Variants in CCNH observed in about 807,000 individuals in gnomAD.
The protein encoded by CCNH is cyclin H.
CCNH carries 31 observed loss-of-function variants against 41.9 expected under a neutral mutation model. The ratio of observed to expected loss-of-function variants is 0.74; its 90% CI spans 0.56 to 1.00. CCNH has a LOEUF of 1.00. CCNH is among the 50% of genes least tolerant of loss of function. The probability of loss-of-function intolerance (pLI) is 0.00; values close to 1 mark genes in which losing one functional copy is unlikely to be tolerated. For synonymous variants in CCNH, 138 were observed against 136.1 expected, an observed-to-expected ratio of 1.01 and a Z score of -0.10; for missense variants, 362 against 388.4, an observed-to-expected ratio of 0.93 and a Z score of 0.57.
Position 87,403,228 on chromosome 5 carries a change from GAA to G in CCNH, c.690-1458_690-1457del, listed in dbSNP as rs72291520. Among the ~76,000 whole-genome samples the G allele has an allele frequency of 9.6e-3, 1,195 of 124,404 alleles. 6 individuals are homozygous for G. Among genetic ancestry groups the G allele is most frequent in the Non-Finnish European group, 0.014 (845 of 58,898 alleles). 81.6% of individuals were successfully genotyped at this position (124,404 alleles called of 152,430 possible). A position where few individuals can be genotyped will look rare whatever the true frequency, so the allele number is the denominator to read the frequency against. On this transcript the variant is annotated intron_variant, in intron 5 of 8. Coordinates refer to ENST00000256897, the MANE Select transcript of CCNH (RefSeq NM_001239.4). ...ACGTTTGGAAAGCATTTCCCTAAAG[GAA>G]AAAAAAAAAAAAAAGGCCCAATGTC...
At chr5:87,336,199 G>A (rs2112380992) in intron 9 of CCNH, among the ~76,000 whole-genome samples, 1 of 152,196 alleles carries the variant, frequency 6.6e-6, no homozygotes, top group Non-Finnish European at 1.5e-5. Context: ...CACTAAATTT[G>A]TAAAAGTATC....
intron 9 of CCNH, among the ~76,000 whole-genome samples, chr5:87,358,658 A>G (rs541166187): frequency 3.3e-5 from 5 of 152,306 alleles, no homozygotes; most frequent in African/African-American, 7.2e-5. Context: ...ATACTTGAAA[A>G]TGTTCTCCAT....
At chr5:87,392,480 C>T (rs1389876056), downstream of CCNH, 2 of 385,414 alleles carry the variant, frequency 5.2e-6, no homozygotes, top group African/African-American at 4.2e-5. Flanking sequence ...AAATTACTCT[C>T]CTTTCCACCC....
intron 9 of CCNH, chr5:87,369,798 G>GT (rs1439903927): frequency 6.3e-7 from 1 of 1,591,138 alleles, no homozygotes; most frequent in South Asian, 1.1e-5. Context: ...AATAATTTTT[G>GT]TTTTTATTTT....
chr5:87,376,428 G>C, exon 1 of CCNH: 1 of 1,613,974 alleles, frequency 6.2e-7, no homozygotes, highest in Non-Finnish European at 8.5e-7. Flanking sequence ...ATTACAGAAA[G>C]GGCATGCCAC....
At chr5:87,334,080 G>A (rs9293487) in intron 9 of CCNH, among the ~76,000 whole-genome samples, 52,900 of 151,972 alleles carry the variant, frequency 0.35, 9,536 homozygotes, top group East Asian at 0.48. Flanking sequence ...TCATGTATTA[G>A]TCAGTGTTCT....
downstream of CCNH, chr5:87,389,679 A>C (rs1167220079): frequency 1.9e-6 from 2 of 1,067,840 alleles, no homozygotes. Context: ...GCAGACAGAA[A>C]TAACGGGCCC....
rs144493393 is a variant in CCNH, at chr5:87,334,823, C to G, written c.*91-15926G>C. Among the ~76,000 whole-genome samples the G allele has an allele frequency of 2.7e-3, 404 of 152,076 alleles. 5 individuals are homozygous for G. Among genetic ancestry groups the G allele is most frequent in the East Asian group, 8.3e-3 (43 of 5,176 alleles). On this transcript the variant is annotated intron_variant and NMD_transcript_variant, in intron 9 of 9. Coordinates refer to the CCNH transcript ENST00000645953. Reference sequence around the variant, plus strand: ...AATGGGAAGTATGTATAAAACACTTCTGCTGTGTACCAGGGATCAGTGTCA... The same window carrying G: ...AATGGGAAGTATGTATAAAACACTTGTGCTGTGTACCAGGGATCAGTGTCA...
rs190425533 is a variant in CCNH at position 87,370,597 on chromosome 5, G to A, written c.*90+22173C>T. On this transcript the variant is annotated intron_variant and NMD_transcript_variant, in intron 9 of 9. Transcript: ENST00000645953. ...AGATTGCATTAGCACAGGAGTTTGA[G>A]TTACAGTGAGTAAGATCGAGACACT... Among the ~76,000 whole-genome samples, 1,063 of 152,278 alleles carry A rather than the reference G, an allele frequency of 7.0e-3. 5 individuals are homozygous for A. Among genetic ancestry groups the A allele is most frequent in the African/African-American group, 0.016 (677 of 41,562 alleles).
At chr5:87,342,882 G>A (rs1758583308) in intron 9 of CCNH, among the ~76,000 whole-genome samples, 1 of 151,934 alleles carries the variant, frequency 6.6e-6, no homozygotes, top group Non-Finnish European at 1.5e-5. Context: ...TAAAAATATA[G>A]GTTAAATGCT....
At chr5:87,409,160 T>C (rs894694206) in intron 3 of CCNH, 130 bp downstream of exon 3, 2 of 442,628 alleles carry the variant, frequency 4.5e-6, no homozygotes, top group Non-Finnish European at 7.9e-6. Context: ...AGAATTCAAG[T>C]CTAAATTACC....
chr5:87,407,502 GTA>G (rs2112575587), intron 4 of CCNH, among the ~76,000 whole-genome samples: 1 of 152,212 alleles, frequency 6.6e-6, no homozygotes, highest in South Asian at 2.1e-4. Flanking sequence ...GTTTGTTTAC[GTA>G]TATTATTGAT....
At chr5:87,322,470 C>T (rs778427189) in intron 9 of CCNH, among the ~76,000 whole-genome samples, 2 of 152,212 alleles carry the variant, frequency 1.3e-5, no homozygotes, top group Non-Finnish European at 2.9e-5. Context: ...GAAAAATTGT[C>T]TTCCACTAAA....
At chr5:87,407,519 A>T (rs929675750) in intron 4 of CCNH, among the ~76,000 whole-genome samples, 9 of 152,220 alleles carry the variant, frequency 5.9e-5, no homozygotes, top group Admixed American at 1.3e-4. Context: ...ATTGATGCCT[A>T]CATAGTGACT....
chr5:87,368,282 A>AT (rs1760673881), intron 9 of CCNH, among the ~76,000 whole-genome samples: 2 of 151,298 alleles, frequency 1.3e-5, no homozygotes, highest in Non-Finnish European at 2.9e-5. Flanking sequence ...ATTTTATTAC[A>AT]TTTTTTTCAA....
rs1395972176 is a variant in CCNH, at chr5:87,409,270, T to C, written c.314+20A>G. On this transcript the variant is annotated intron_variant, in intron 3 of 8. Transcript: ENST00000256897. Reference sequence around the variant, plus strand: ...AAGGTCTTCTTAAATGAAAACAATATATTAGACAGACATACTCACATTATT... The same window carrying C: ...AAGGTCTTCTTAAATGAAAACAATACATTAGACAGACATACTCACATTATT... 7.4e-7 allele frequency: 1 copy of C among 1,344,652 alleles called. No homozygotes were observed. The highest frequency in any genetic ancestry group is 1.5e-5 in the African/African-American group (1 of 68,798). 83.3% of individuals were successfully genotyped at this position (1,344,652 alleles called of 1,614,324 possible). A position where few individuals can be genotyped will look rare whatever the true frequency, so the allele number is the denominator to read the frequency against.
chr5:87,411,051 T>C (rs1039173551), intron 2 of CCNH, among the ~76,000 whole-genome samples, 173 bp downstream of exon 2: 2 of 152,190 alleles, frequency 1.3e-5, no homozygotes, highest in African/African-American at 4.8e-5. Flanking sequence ...TTTGAAGATA[T>C]GATACAGCAA....
downstream of CCNH, chr5:87,392,015 G>C (rs73159589): frequency 1.0e-3 from 316 of 308,054 alleles, 1 homozygote; most frequent in Middle Eastern, 7.4e-3. Flanking sequence ...GCAAGGCCCA[G>C]GGAGAAGCTG....
downstream of CCNH, chr5:87,390,763 C>G: frequency 6.4e-7 from 1 of 1,553,182 alleles, no homozygotes; most frequent in Non-Finnish European, 8.9e-7. Flanking sequence ...GCTGACCGAG[C>G]TTTCATTTAT....
Sources: gnomAD v4.1 joint callset for allele counts (sites outside exome capture counted in the v4.1 genomes callset) on GRCh38, gnomAD v4.1.1 for gene constraint, MANE v1.5 for transcripts, NCBI Gene and HGNC (gene_info 2026-07-23, HGNC 2026-07-21) for gene names.